PFN2: variants seen among roughly 807,000 people sequenced by gnomAD.
PFN2 encodes profilin 2, also known as profilin-2.
Under a neutral mutation model 15.3 loss-of-function variants are expected in PFN2, and 8 were observed. That is an observed-to-expected ratio of 0.52 (90% CI 0.31 to 0.95). PFN2 has a LOEUF of 0.95. PFN2 is among the 40% of genes least tolerant of loss of function. PFN2 has a pLI of 0.05. For missense variants in PFN2, 111 were observed against 182.3 expected, an observed-to-expected ratio of 0.61 and a Z score of 2.25; for synonymous variants, 79 against 67.9, an observed-to-expected ratio of 1.16 and a Z score of -0.81.
chr3:149,967,756 G>C (rs750806895), intron 2 of PFN2, among the ~76,000 whole-genome samples: 4 of 152,162 alleles, frequency 2.6e-5, no homozygotes, highest in Non-Finnish European at 5.9e-5. Context: ...GGAGACACCT[G>C]AATTTCTGGA....
chr3:149,970,582 C>T (rs941318198), intron 1 of PFN2, 143 bp downstream of exon 1: 9 of 810,646 alleles, frequency 1.1e-5, no homozygotes, highest in Middle Eastern at 4.3e-4. Flanking sequence ...CCCGCCCGCC[C>T]GGCAGCCGCA....
chr3:149,966,624 T>C, intron 2 of PFN2, 38 bp from the exon 3 acceptor site: 1 of 1,467,898 alleles, frequency 6.8e-7, no homozygotes, highest in Non-Finnish European at 9.5e-7. Flanking sequence ...AAAAGAAGTG[T>C]TAATCAAGAA....
rs2108628746 is a variant in PFN2, at chr3:149,965,319, A to G, written c.*1170T>C. The G allele has an allele frequency of 6.5e-7, 1 of 1,533,368 alleles. No individual in the cohort carries two copies. Among genetic ancestry groups the G allele is most frequent in the Non-Finnish European group, 8.7e-7 (1 of 1,145,822 alleles). The allele number at this position is 1,533,368 out of a possible 1,614,324, so 95.0% of individuals were successfully genotyped here. On this transcript the variant is annotated 3_prime_UTR_variant, in exon 3 of 3. Coordinates refer to ENST00000239940, the MANE Select transcript of PFN2 (RefSeq NM_053024.4). Reference sequence around the variant, plus strand: ...ATTGGTCCTATGAAGAACAAACTGGACACACTCCAGATGGTTATGTTGGGA... The same window carrying G: ...ATTGGTCCTATGAAGAACAAACTGGGCACACTCCAGATGGTTATGTTGGGA...
Position 149,966,310 on chromosome 3 carries a change from G to GC in PFN2, c.*178_*179insG, listed in dbSNP as rs1559985674. ...AAACAAAAGTGAACAGAATTATTTT[G>GC]GGGGGGGAGGGCAGAAAGAAAGACA... On this transcript the variant is annotated 3_prime_UTR_variant, in exon 3 of 3. Coordinates refer to ENST00000239940, the MANE Select transcript of PFN2 (RefSeq NM_053024.4). 1 of 1,589,950 alleles carries GC rather than the reference G, an allele frequency of 6.3e-7. No individual in the cohort carries two copies.
chr3:149,970,820 A>C lies in PFN2; in HGVS notation c.37T>G (p.Cys13Gly). 6.6e-7 allele frequency: 1 copy of C among 1,509,338 alleles called. No homozygotes were observed. Among genetic ancestry groups the C allele is most frequent in the South Asian group, 1.2e-5 (1 of 81,028 alleles). The allele number at this position is 1,509,338 out of a possible 1,614,324, so 93.5% of individuals were successfully genotyped here. A position where few individuals can be genotyped will look rare whatever the true frequency, so the allele number is the denominator to read the frequency against. ...GWQSYVDNLM[C>G]DGCCQEAAIV... ...GCGGCCTCCTGGCAGCAGCCATCGC[A>C]CATCAGGTTATCCACGTAGCTCTGC... Residue 13 changes from cysteine (C) to glycine (G), a missense_variant, in exon 1 of 3, where the codon TGC (cysteine) becomes GGC (glycine). By Grantham distance (159) the Cys-to-Gly change is radical (BLOSUM62 -3). Coordinates refer to ENST00000239940, the MANE Select transcript of PFN2 (RefSeq NM_053024.4).
At chr3:149,967,917 G>A (rs1225082850) in intron 2 of PFN2, among the ~76,000 whole-genome samples, 10 of 152,008 alleles carry the variant, frequency 6.6e-5, no homozygotes, top group African/African-American at 2.4e-4. Context: ...AAAATGAACG[G>A]ATGTTAATTT....
chr3:149,968,185 T>C (rs1722743305), intron 2 of PFN2, 173 bp downstream of exon 2: 6 of 551,572 alleles, frequency 1.1e-5, no homozygotes, highest in Admixed American at 3.1e-5. Flanking sequence ...GGCCAGGTCA[T>C]AGATGCTGTA....
rs1722659070 is a variant in PFN2 at position 149,965,521 on chromosome 3, G to C, written c.*968C>G. 1 of 1,400,810 alleles carries C rather than the reference G, an allele frequency of 7.1e-7. No homozygotes were observed. Among genetic ancestry groups the C allele is most frequent in the African/African-American group, 1.4e-5 (1 of 68,970 alleles). 86.8% of individuals were successfully genotyped at this position (1,400,810 alleles called of 1,614,324 possible). On this transcript the variant is annotated 3_prime_UTR_variant, in exon 3 of 3. Transcript: ENST00000239940. ...TGCTTTTTGCTCTTGTTTTGCCATT[G>C]CACTCTTCATATGTCCTGTAGACAC...
chr3:149,967,834 TATTTC>T (rs1263536465), intron 2 of PFN2, among the ~76,000 whole-genome samples: 1 of 152,158 alleles, frequency 6.6e-6, no homozygotes, highest in African/African-American at 2.4e-5. Flanking sequence ...TCTTTGAAAA[TATTTC>T]AGTGAATGGA....
In PFN2 at chr3:149,965,200, GTATGGCACAGAATACAT is replaced by G. The variant is rs1722650444; in HGVS notation, c.*1272_*1288del. 2.6e-6 allele frequency: 4 copies of G among 1,517,446 alleles called. No individual in the cohort carries two copies. The African/African-American group carries it at 4.2e-5, about 16-fold the overall frequency. The allele number at this position is 1,517,446 out of a possible 1,614,324, so 94.0% of individuals were successfully genotyped here. A position where few individuals can be genotyped will look rare whatever the true frequency, so the allele number is the denominator to read the frequency against. ...ATAGCAACAGTTCATTTTAACAATAGTATGGCACAGAATACATATGAAAAAAATTCATCACAAGACAG... is the reference window on the plus strand; with the variant it reads ...ATAGCAACAGTTCATTTTAACAATAGATGAAAAAAATTCATCACAAGACAG... On this transcript the variant is annotated 3_prime_UTR_variant, in exon 3 of 3. Coordinates refer to ENST00000239940, the MANE Select transcript of PFN2 (RefSeq NM_053024.4).
rs1475776311 is a variant in PFN2 at position 149,968,446 on chromosome 3, G to A, written c.237C>T (p.Tyr79=). 2 of 1,613,878 alleles carry A rather than the reference G, an allele frequency of 1.2e-6. No individual in the cohort carries two copies. The highest frequency in any genetic ancestry group is 1.7e-5 in the Admixed American group (1 of 60,014). The change falls in exon 2 of 3, where the codon TAC becomes TAT. Residue 79 remains tyrosine, a synonymous_variant. Coordinates refer to ENST00000239940, the MANE Select transcript of PFN2 (RefSeq NM_053024.4). ...KKCSVIRDSL[Y]VDGDCTMDIR... is the part of the protein sequence containing the mutation. ...TGTCCATTGTGCAGTCACCATCGAC[G>A]TATAGACTATCTCTGATCACTGAGC...
chr3:149,970,169 C>G (rs1722811131), intron 1 of PFN2, among the ~76,000 whole-genome samples: 2 of 152,126 alleles, frequency 1.3e-5, no homozygotes, highest in Non-Finnish European at 2.9e-5. Flanking sequence ...TAAACCTACG[C>G]AAAGTCGCTT....
Position 149,968,520 on chromosome 3 carries a change from C to G in PFN2, c.163G>C (p.Asp55His). 1 of 1,612,896 alleles carries G rather than the reference C, an allele frequency of 6.2e-7. No homozygotes were observed. The highest frequency in any genetic ancestry group is 8.5e-7 in the Non-Finnish European group (1 of 1,179,624). ...PIEIDMIVGK[D>H]REGFFTNGLT... is the part of the protein sequence containing the mutation. Reference sequence around the variant, plus strand: ...CCGTTGGTAAAGAAACCTTCCCGGTCTTTTCCTACAATCATATCTATTTCT... The same window carrying G: ...CCGTTGGTAAAGAAACCTTCCCGGTGTTTTCCTACAATCATATCTATTTCT... The change falls in exon 2 of 3, where the codon GAC becomes CAC. Residue 55 changes from aspartate to histidine, a missense_variant. Physicochemically the swap from Asp to His is moderately conservative, Grantham distance 81 (BLOSUM62 -1). This residue lies in a region of PFN2 where 47 missense variants were observed against 112.7 expected (regional missense o/e 0.42). Transcript: ENST00000239940.
intron 2 of PFN2, among the ~76,000 whole-genome samples, chr3:149,967,556 T>C (rs1297346556): frequency 6.6e-6 from 1 of 152,226 alleles, no homozygotes; most frequent in African/African-American, 2.4e-5. Context: ...AAATTAGATG[T>C]GCCAAGTCAG....
chr3:149,966,111 G>T lies in PFN2; in HGVS notation c.*378C>A. 1.3e-6 allele frequency: 2 copies of T among 1,579,794 alleles called. No homozygotes were observed. Among genetic ancestry groups the T allele is most frequent in the South Asian group, 2.4e-5 (2 of 84,896 alleles). On this transcript the variant is annotated 3_prime_UTR_variant, in exon 3 of 3. Transcript: ENST00000239940. ...ACCATCTACAGTTTGGTAGCATTGTGACCATAATTAGGGTTGTTGATGAAG... is the reference window on the plus strand; with the variant it reads ...ACCATCTACAGTTTGGTAGCATTGTTACCATAATTAGGGTTGTTGATGAAG...
rs77806619 is a variant in PFN2 at position 149,967,194 on chromosome 3, C to T, written c.326-608G>A. ...AATTGCGTCTAAAAAAATAGGTTTA[C>T]GATTTCTAATTGCTCTTCTATGATG... On this transcript the variant is annotated intron_variant, in intron 2 of 2. Coordinates refer to ENST00000239940, the MANE Select transcript of PFN2 (RefSeq NM_053024.4). Among the ~76,000 whole-genome samples the T allele has an allele frequency of 2.6e-3, 393 of 152,226 alleles. 1 individual carries two copies. Among genetic ancestry groups the T allele is most frequent in the Non-Finnish European group, 4.1e-3 (278 of 68,014 alleles).
chr3:149,970,861 G>C lies in PFN2; in HGVS notation c.-5C>G. The C allele has an allele frequency of 1.4e-6, 2 of 1,463,704 alleles. No homozygotes were observed. Among genetic ancestry groups the C allele is most frequent in the Non-Finnish European group, 1.8e-6 (2 of 1,098,816 alleles). The allele number at this position is 1,463,704 out of a possible 1,614,324, so 90.7% of individuals were successfully genotyped here. The stretch of plus-strand genomic sequence containing the variant: ...GTAGCTCTGCCAACCGGCCATCTTC[G>C]AGCCCTTCGCACTGCAGCGCGGACG... On this transcript the variant is annotated 5_prime_UTR_variant, in exon 1 of 3. Coordinates refer to ENST00000239940, the MANE Select transcript of PFN2 (RefSeq NM_053024.4).
At chr3:149,968,297 GA>G in intron 2 of PFN2, 60 bp downstream of exon 2, 1 of 1,468,454 alleles carries the variant, frequency 6.8e-7, no homozygotes, top group Non-Finnish European at 9.5e-7. Flanking sequence ...AATGTTAAAA[GA>G]AACTGCTTAA....
chr3:149,970,841 T>C lies in PFN2; in HGVS notation c.16A>G (p.Ser6Gly). Residue 6 changes from serine (S) to glycine (G), a missense_variant, in exon 1 of 3, where the codon AGC (serine) becomes GGC (glycine). Transcript: ENST00000239940. MAGWQ[S>G]YVDNLMCDGC... The stretch of plus-strand genomic sequence containing the variant: ...TCGCACATCAGGTTATCCACGTAGC[T>C]CTGCCAACCGGCCATCTTCGAGCCC... 6.7e-7 allele frequency: 1 copy of C among 1,482,436 alleles called. No homozygotes were observed. The highest frequency in any genetic ancestry group is 9.0e-7 in the Non-Finnish European group (1 of 1,109,992). The allele number at this position is 1,482,436 out of a possible 1,614,324, so 91.8% of individuals were successfully genotyped here. A position where few individuals can be genotyped will look rare whatever the true frequency, so the allele number is the denominator to read the frequency against.
Sources: gnomAD v4.1 joint callset for allele counts (sites outside exome capture counted in the v4.1 genomes callset) on GRCh38, gnomAD v4.1.1 for gene constraint, gnomAD v4.1.1 regional missense constraint, MANE v1.5 for transcripts, NCBI Gene and HGNC (gene_info 2026-07-23, HGNC 2026-07-21) for gene names.